TEKT2: variants seen among roughly 807,000 people sequenced by gnomAD.
The protein encoded by TEKT2 is tektin 2, also known as tektin-2.
In TEKT2, 45 loss-of-function variants were observed where a neutral mutation model predicts 49.8. The ratio of observed to expected loss-of-function variants is 0.90; its 90% CI spans 0.71 to 1.16. TEKT2 has a LOEUF of 1.16. TEKT2 is among the 50% of genes most tolerant of loss of function. TEKT2 has a pLI of 0.00. For synonymous variants in TEKT2, 202 were observed against 224.6 expected, an observed-to-expected ratio of 0.90 and a Z score of 0.90; for missense variants, 523 against 551.4, an observed-to-expected ratio of 0.95 and a Z score of 0.52.
intron 3 of TEKT2, 92 bp downstream of exon 3, chr1:36,085,380 T>C: frequency 6.3e-7 from 1 of 1,590,748 alleles, no homozygotes; most frequent in African/African-American, 1.3e-5. Context: ...TGGGGGGTCA[T>C]GAGTGGCATG....
intron 5 of TEKT2, 25 bp downstream of exon 5, chr1:36,086,872 T>G (rs1643385612): frequency 7.4e-6 from 12 of 1,614,022 alleles, no homozygotes; most frequent in Admixed American, 1.7e-5. Context: ...TCAGCCAGTC[T>G]CTTCTCCTCC....
rs1286439876 is a variant in TEKT2, at chr1:36,087,884, T to C, written c.1079+77T>C. On this transcript the variant is annotated intron_variant, in intron 9 of 9. Transcript: ENST00000207457. The surrounding 1 kb of genome is among the most constrained non-coding windows in gnomAD (Gnocchi z 4.9). The stretch of plus-strand genomic sequence containing the variant: ...GGCCTCTTGCTGGCTGCTGGCTCCC[T>C]GGGGCTGTCTTCCTGACTGAAGGCT... The C allele has an allele frequency of 6.3e-7, 1 of 1,593,980 alleles. No individual in the cohort carries two copies. Among genetic ancestry groups the C allele is most frequent in the African/African-American group, 1.3e-5 (1 of 74,578 alleles).
chr1:36,086,447 C>G (rs1045941469), intron 4 of TEKT2, among the ~76,000 whole-genome samples: 4 of 151,880 alleles, frequency 2.6e-5, no homozygotes, highest in Non-Finnish European at 4.4e-5. Flanking sequence ...CGCGTGGGGT[C>G]AGCATTTTCA....
In TEKT2 at chr1:36,087,250, T is replaced by G; in HGVS notation, c.794T>G (p.Phe265Cys). The G allele has an allele frequency of 6.2e-7, 1 of 1,614,138 alleles. No homozygotes were observed. Among genetic ancestry groups the G allele is most frequent in the Non-Finnish European group, 8.5e-7 (1 of 1,180,034 alleles). The change falls in exon 7 of 10, where the codon TTC (phenylalanine) becomes TGC (cysteine). Residue 265 changes from phenylalanine (F) to cysteine (C), a missense_variant. Transcript: ENST00000207457. The surrounding 1 kb of genome is among the most constrained non-coding windows in gnomAD (Gnocchi z 4.9). ...CAGAGAGTTGCAACGGAATTTGCCT[T>G]CAGGAAGCGGCTGCGGGAGATGGAG... The part of the protein sequence containing the change: ...EAQRVATEFA[F>C]RKRLREMEKV...
At chr1:36,085,402 C>T in intron 3 of TEKT2, 114 bp downstream of exon 3, 1 of 1,524,742 alleles carries the variant, frequency 6.6e-7, no homozygotes, top group Non-Finnish European at 8.9e-7. Context: ...CCATCCGAGT[C>T]ACTGGCCCCC....
Position 36,087,651 on chromosome 1 carries a change from G to A in TEKT2, c.999+69G>A. 6.2e-7 allele frequency: 1 copy of A among 1,612,516 alleles called. No individual in the cohort carries two copies. The highest frequency in any genetic ancestry group is 1.1e-5 in the South Asian group (1 of 90,878). On this transcript the variant is annotated intron_variant, in intron 8 of 9. Transcript: ENST00000207457. The surrounding 1 kb of genome is among the most constrained non-coding windows in gnomAD (Gnocchi z 4.9). The stretch of plus-strand genomic sequence containing the variant: ...TTTCTCATATTCCTGATGGAGCAAG[G>A]GCACTGCTGTCAAGGGGCAGCACTC...
In TEKT2 at chr1:36,084,894, G is replaced by A; in HGVS notation, c.-28G>A. ...GGTGGTGTCTGTGAACAGGCCTAGGGGTTTCTGACCCTTCTGGTTTCTGTG... is the reference window on the plus strand; with the variant it reads ...GGTGGTGTCTGTGAACAGGCCTAGGAGTTTCTGACCCTTCTGGTTTCTGTG... On this transcript the variant is annotated 5_prime_UTR_variant, in exon 2 of 10. Coordinates refer to ENST00000207457, the MANE Select transcript of TEKT2 (RefSeq NM_014466.3). The surrounding 1 kb of genome is among the most constrained non-coding windows in gnomAD (Gnocchi z 4.1). 2 of 1,612,868 alleles carry A rather than the reference G, an allele frequency of 1.2e-6. No individual in the cohort carries two copies. Among genetic ancestry groups the A allele is most frequent in the Non-Finnish European group, 1.7e-6 (2 of 1,180,028 alleles).
In TEKT2 at chr1:36,085,260, T is replaced by G; in HGVS notation, c.254T>G (p.Leu85Ter). 1 of 1,614,136 alleles carries G rather than the reference T, an allele frequency of 6.2e-7. No homozygotes were observed. Among genetic ancestry groups the G allele is most frequent in the Non-Finnish European group, 8.5e-7 (1 of 1,180,032 alleles). The stretch of plus-strand genomic sequence containing the variant: ...ATGCTGGACAAGTGTCTGACAGATT[T>G]AGATGCCGAGATCGATGCCCTGACA... Reference protein sequence around the residue: ...KEMLDKCLTDLDAEIDALTQM... With the variant: ...KEMLDKCLTD The change falls in exon 3 of 10, where the codon TTA (leucine) becomes TGA (stop). Residue 85 changes from leucine (L) to a stop codon, truncating the protein, a stop_gained. Transcript: ENST00000207457. LOFTEE classifies it high-confidence loss of function.
intron 3 of TEKT2, among the ~76,000 whole-genome samples, chr1:36,085,518 T>C (rs1162688714): frequency 3.6e-5 from 5 of 138,220 alleles, no homozygotes; most frequent in African/African-American, 1.4e-4. Flanking sequence ...TTTTTTTTTT[T>C]TTTTTTTTTT....
At position 36,086,724 on chromosome 1, in the gene TEKT2, A is replaced by G; in HGVS notation, c.509A>G (p.Gln170Arg). 1 of 1,614,096 alleles carries G rather than the reference A, an allele frequency of 6.2e-7. No homozygotes were observed. Among genetic ancestry groups the G allele is most frequent in the Non-Finnish European group, 8.5e-7 (1 of 1,180,020 alleles). ...CCCAGCCTCTTGCAGGAAGTCCAAC[A>G]GCAGCTCAACTCCGACCATCGGGGC... ...EQLCLLQEVQ[Q>R]QLNSDHRGKM... Residue 170 changes from glutamine to arginine, a missense_variant, in exon 5 of 10, where the codon CAG becomes CGG. Gln to Arg is a conservative substitution (Grantham distance 43). Coordinates refer to ENST00000207457, the MANE Select transcript of TEKT2 (RefSeq NM_014466.3).
Position 36,087,469 on chromosome 1 carries a change from G to A in TEKT2, c.886G>A (p.Asp296Asn). The change falls in exon 8 of 10, where the codon GAC becomes AAC. Residue 296 changes from aspartate (D) to asparagine (N), a missense_variant. Asp to Asn is a conservative substitution (Grantham distance 23). Transcript: ENST00000207457. The surrounding 1 kb of genome is among the most constrained non-coding windows in gnomAD (Gnocchi z 4.9). The part of the protein sequence containing the change: ...TLEEIAELQE[D>N]IRHLEEDLRT... ...GGAGGAGATCGCTGAGCTGCAGGAG[G>A]ACATCCGGCACCTGGAGGAGGATCT... is the stretch of plus-strand genomic sequence containing the variant. 6.2e-7 allele frequency: 1 copy of A among 1,613,800 alleles called. No homozygotes were observed. The highest frequency in any genetic ancestry group is 8.5e-7 in the Non-Finnish European group (1 of 1,180,042).
rs12043423 is a variant in TEKT2, at chr1:36,085,057, C to T, written c.136C>T (p.Arg46Cys). 21,837 of 1,614,098 alleles carry T rather than the reference C, an allele frequency of 0.014. 1,373 individuals are homozygous for T. The East Asian group carries it at 0.21, about 15-fold the overall frequency. Residue 46 changes from arginine to cysteine, a missense_variant, in exon 2 of 10, where the codon CGC (arginine) becomes TGC (cysteine). Physicochemically the swap from Arg to Cys is radical, Grantham distance 180. Transcript: ENST00000207457. ...GATCCGCCAGGAGGCCCGGGTGCTC[C>T]GCAACGAGACCAACAACCAGGTTGG... ...HQIRQEARVL[R>C]NETNNQTIWD... is the part of the protein sequence containing the mutation.
rs1643399914 is a variant in TEKT2, at chr1:36,087,473, T to G, written c.890T>G (p.Ile297Ser). The part of the protein sequence containing the change: ...LEEIAELQED[I>S]RHLEEDLRTK... The stretch of plus-strand genomic sequence containing the variant: ...GAGATCGCTGAGCTGCAGGAGGACA[T>G]CCGGCACCTGGAGGAGGATCTGCGC... The change falls in exon 8 of 10, where the codon ATC becomes AGC. Residue 297 changes from isoleucine (I) to serine (S), a missense_variant. Transcript: ENST00000207457. This position sits in a 1 kb window ranked among gnomAD's most constrained non-coding sequence, Gnocchi z 4.9. The G allele has an allele frequency of 1.2e-6, 2 of 1,613,754 alleles. No homozygotes were observed. The highest frequency in any genetic ancestry group is 1.7e-6 in the Non-Finnish European group (2 of 1,180,022).
Position 36,084,322 on chromosome 1 carries a change from A to AG in TEKT2, c.-53+175dup, listed in dbSNP as rs1643331586. 1 of 161,364 alleles carries AG rather than the reference A, an allele frequency of 6.2e-6. No homozygotes were observed. The highest frequency in any genetic ancestry group is 1.4e-5 in the Non-Finnish European group (1 of 73,600). 10.0% of individuals were successfully genotyped at this position (161,364 alleles called of 1,614,324 possible). A position where few individuals can be genotyped will look rare whatever the true frequency, so the allele number is the denominator to read the frequency against. On this transcript the variant is annotated intron_variant, in intron 1 of 9. Coordinates refer to ENST00000207457, the MANE Select transcript of TEKT2 (RefSeq NM_014466.3). The surrounding 1 kb of genome is among the most constrained non-coding windows in gnomAD (Gnocchi z 4.1). ...CTGTCCGGCCTTCCCCTCCAACAGTAGGCGAGGGCGGAGGGGCGGGAGGGC... is the reference window on the plus strand; with the variant it reads ...CTGTCCGGCCTTCCCCTCCAACAGTAGGGCGAGGGCGGAGGGGCGGGAGGGC...
Position 36,086,693 on chromosome 1 carries a change from G to A in TEKT2, c.489-11G>A, listed in dbSNP as rs200039614. On this transcript the variant is annotated splice_polypyrimidine_tract_variant and intron_variant, in intron 4 of 9. Transcript: ENST00000207457. ...GGGGGATGGTCCTGATGGAGTCTGC[G>A]CTTTCCCCAGCCTCTTGCAGGAAGT... is the stretch of plus-strand genomic sequence containing the variant. 6.3e-4 allele frequency: 1,010 copies of A among 1,613,896 alleles called. 8 individuals carry two copies. The highest frequency in any genetic ancestry group is 1.0e-3 in the South Asian group (91 of 91,080).
chr1:36,087,561 C>G lies in TEKT2; in HGVS notation c.978C>G (p.Asn326Lys). The part of the protein sequence containing the change: ...TRLEARTYRP[N>K]VELCRDQAQY... ...TAGAGGCCAGAACCTACCGGCCCAACGTGGAACTCTGCCGGGACCAGGTGA... is the reference window on the plus strand; with the variant it reads ...TAGAGGCCAGAACCTACCGGCCCAAGGTGGAACTCTGCCGGGACCAGGTGA... Residue 326 changes from asparagine (N) to lysine (K), a missense_variant, in exon 8 of 10, where the codon AAC becomes AAG. By Grantham distance (94) the Asn-to-Lys change is moderately conservative. Transcript: ENST00000207457. This position sits in a 1 kb window ranked among gnomAD's most constrained non-coding sequence, Gnocchi z 4.9. 1 of 1,613,826 alleles carries G rather than the reference C, an allele frequency of 6.2e-7. No homozygotes were observed. Among genetic ancestry groups the G allele is most frequent in the Non-Finnish European group, 8.5e-7 (1 of 1,180,016 alleles).
At position 36,087,817 on chromosome 1, in the gene TEKT2, G is replaced by T. The variant is rs765016377; in HGVS notation, c.1079+10G>T. The T allele has an allele frequency of 3.1e-6, 5 of 1,613,198 alleles. No individual in the cohort carries two copies. In the African/African-American group the frequency reaches 5.3e-5, roughly 17 times the overall value. On this transcript the variant is annotated intron_variant, in intron 9 of 9. Transcript: ENST00000207457. This position sits in a 1 kb window ranked among gnomAD's most constrained non-coding sequence, Gnocchi z 4.9. ...AGCTGGCGCAAGCACAGTAGGTCTC[G>T]GGAGTGGGCGGAAGGAGCAGTGAGA... is the stretch of plus-strand genomic sequence containing the variant.
intron 4 of TEKT2, 25 bp downstream of exon 4, chr1:36,086,066 A>T (rs1267385185): frequency 9.6e-6 from 15 of 1,556,082 alleles, no homozygotes; most frequent in Non-Finnish European, 1.0e-5. Flanking sequence ...GGTCGTCCGC[A>T]TGTTCATGGG....
At chr1:36,086,587 T>C in intron 4 of TEKT2, 117 bp from the exon 5 acceptor site, 3 of 1,363,846 alleles carry the variant, frequency 2.2e-6, no homozygotes, top group Non-Finnish European at 3.1e-6. Flanking sequence ...GAAGCTCCAT[T>C]GTCTTCTGCT....
Sources: gnomAD v4.1 joint callset for allele counts (sites outside exome capture counted in the v4.1 genomes callset) on GRCh38, gnomAD v4.1.1 for gene constraint, Gnocchi (gnomAD v3.1) non-coding constraint, MANE v1.5 for transcripts, NCBI Gene and HGNC (gene_info 2026-07-23, HGNC 2026-07-21) for gene names.